ACSBG1: variants seen among roughly 807,000 people sequenced by gnomAD.
ACSBG1 encodes the protein long-chain-fatty-acid--CoA ligase ACSBG1.
Under a neutral mutation model 80.2 loss-of-function variants are expected in ACSBG1, and 39 were observed. The observed-to-expected ratio is 0.49, with a 90% CI of 0.38 to 0.64. The LOEUF (loss-of-function observed/expected upper bound fraction) is 0.64. Among genes scored for constraint, ACSBG1 ranks in the 30% least tolerant of loss-of-function variants. The pLI, the probability that ACSBG1 is intolerant of heterozygous loss-of-function variation, is 0.00. For missense variants in ACSBG1, 828 were observed against 966.4 expected (o/e 0.86, Z 1.90); for synonymous variants, 392 against 379.5 (o/e 1.03, Z -0.38).
chr15:78,229,578 G>A (rs908617021), intron 1 of ACSBG1, among the ~76,000 whole-genome samples: 1 of 152,138 alleles, frequency 6.6e-6, no homozygotes. Flanking sequence ...GGCTCTTAGG[G>A]GGCTCCTCTC....
chr15:78,208,056 C>T lies in ACSBG1; in HGVS notation c.178G>A (p.Ala60Thr), dbSNP rs1391126199. 6 of 1,613,952 alleles carry T rather than the reference C, an allele frequency of 3.7e-6. No homozygotes were observed. Among genetic ancestry groups the T allele is most frequent in the South Asian group, 1.1e-5 (1 of 91,066 alleles). ...QPLSKESLNH[A>T]LELSVPEKVN... Reference sequence around the variant, plus strand: ...TTCTCTGGCACTGAGAGCTCGAGAGCATGGTTCAGGGACTCTTTGGAGAGT... The same window carrying T: ...TTCTCTGGCACTGAGAGCTCGAGAGTATGGTTCAGGGACTCTTTGGAGAGT... The change falls in exon 2 of 14, where the codon GCT (alanine) becomes ACT (threonine). Residue 60 changes from alanine to threonine, a missense_variant. Physicochemically the swap from Ala to Thr is moderately conservative, Grantham distance 58. Coordinates refer to ENST00000258873, the MANE Select transcript of ACSBG1 (RefSeq NM_015162.5).
At chr15:78,173,411 A>G (rs1273759653) in intron 13 of ACSBG1, among the ~76,000 whole-genome samples, 182 bp downstream of exon 13, 1 of 150,928 alleles carries the variant, frequency 6.6e-6, no homozygotes, top group Non-Finnish European at 1.5e-5. Flanking sequence ...CAGACTCCAC[A>G]TAACCACAAG....
At chr15:78,180,661 C>T (rs544929691) in intron 9 of ACSBG1, 94 bp downstream of exon 9, 32 of 1,486,326 alleles carry the variant, frequency 2.2e-5, no homozygotes, top group East Asian at 1.4e-4. Flanking sequence ...CCACTGGAAC[C>T]GGGACAGGCA....
At chr15:78,194,922 G>A (rs1187672109) in intron 2 of ACSBG1, among the ~76,000 whole-genome samples, 196 bp from the exon 3 acceptor site, 1 of 152,254 alleles carries the variant, frequency 6.6e-6, no homozygotes, top group East Asian at 1.9e-4. Context: ...ACTCAGCCTT[G>A]AAGGAAGAGC....
In ACSBG1 at chr15:78,182,602, A is replaced by G. The variant is rs1282867093; in HGVS notation, c.758T>C (p.Met253Thr). The change falls in exon 7 of 14, where the codon ATG becomes ACG. Residue 253 changes from methionine to threonine, a missense_variant. Coordinates refer to ENST00000258873, the MANE Select transcript of ACSBG1 (RefSeq NM_015162.5). ...MANVYTMEEF[M>T]ELGNEVPEEA... ...CTCAGGCACTTCATTCCCCAGCTCC[A>G]TGAATTCCTCCATCTGTAGCCAGAT... 2.5e-6 allele frequency: 4 copies of G among 1,613,940 alleles called. No homozygotes were observed. The highest frequency in any genetic ancestry group is 4.5e-5 in the East Asian group (2 of 44,898).
At position 78,208,118 on chromosome 15, in the gene ACSBG1, G is replaced by T; in HGVS notation, c.132-16C>A. On this transcript the variant is annotated splice_polypyrimidine_tract_variant and intron_variant, in intron 1 of 13. Transcript: ENST00000258873. ...AGTCAGTGAGCTGGGGTGGTGAGGG[G>T]ACCAGGAAAAACATTCATTAGAACG... is the stretch of plus-strand genomic sequence containing the variant. 6.2e-7 allele frequency: 1 copy of T among 1,606,122 alleles called. No homozygotes were observed. Among genetic ancestry groups the T allele is most frequent in the Non-Finnish European group, 8.5e-7 (1 of 1,174,118 alleles).
At chr15:78,186,872 A>T (rs2141338356) in intron 5 of ACSBG1, among the ~76,000 whole-genome samples, 1 of 152,340 alleles carries the variant, frequency 6.6e-6, no homozygotes, top group East Asian at 1.9e-4. Flanking sequence ...TCAAAAAATT[A>T]ATGAATCCAG....
intron 1 of ACSBG1, among the ~76,000 whole-genome samples, chr15:78,221,617 T>C (rs1048212955): frequency 2.0e-5 from 3 of 152,072 alleles, no homozygotes; most frequent in Non-Finnish European, 2.9e-5. Flanking sequence ...CACAGACCCC[T>C]TACAGGTGTC....
intron 2 of ACSBG1, among the ~76,000 whole-genome samples, chr15:78,204,225 C>A (rs946612621): frequency 1.3e-5 from 2 of 151,656 alleles, no homozygotes; most frequent in African/African-American, 2.4e-5. Context: ...GTTCTCTATA[C>A]GCTTCTCCAC....
intron 1 of ACSBG1, among the ~76,000 whole-genome samples, chr15:78,230,517 G>A (rs2075437274): frequency 6.6e-6 from 1 of 152,356 alleles, no homozygotes; most frequent in East Asian, 1.9e-4. Flanking sequence ...CAAGGTCAGG[G>A]CAAACGGGCA....
chr15:78,178,082 AG>A lies in ACSBG1; in HGVS notation c.1702+531del, dbSNP rs35851501. ...TGCCATTTACTAGCTGGGTGACCTT[AG>A]GCAAGTTACTTAACCTCTCTGGATG... On this transcript the variant is annotated intron_variant, in intron 11 of 13. Coordinates refer to ENST00000258873, the MANE Select transcript of ACSBG1 (RefSeq NM_015162.5). The surrounding 1 kb of genome is among the most constrained non-coding windows in gnomAD (Gnocchi z 4.3). Among the ~76,000 whole-genome samples, 11 of 152,184 alleles carry A rather than the reference AG, an allele frequency of 7.2e-5. No homozygotes were observed. Among genetic ancestry groups the A allele is most frequent in the Non-Finnish European group, 1.2e-4 (8 of 68,020 alleles).
In ACSBG1 at chr15:78,168,948, T is replaced by G; in HGVS notation, c.*2496A>C. The G allele has an allele frequency of 6.2e-7, 1 of 1,603,874 alleles. No individual in the cohort carries two copies. Reference sequence around the variant, plus strand: ...GCTTGACAAAAGATTTGGGAGGCAATGCAAAATGCTCAGACTTCACAGAGG... The same window carrying G: ...GCTTGACAAAAGATTTGGGAGGCAAGGCAAAATGCTCAGACTTCACAGAGG... On this transcript the variant is annotated 3_prime_UTR_variant, in exon 14 of 14. Coordinates refer to ENST00000258873, the MANE Select transcript of ACSBG1 (RefSeq NM_015162.5).
chr15:78,231,661 T>C (rs112428914), intron 1 of ACSBG1, among the ~76,000 whole-genome samples: 3,332 of 152,172 alleles, frequency 0.022, 52 homozygotes, highest in South Asian at 0.039. Context: ...GGTTAATAGC[T>C]CATTGCAGCC....
intron 8 of ACSBG1, among the ~76,000 whole-genome samples, 197 bp downstream of exon 8, chr15:78,181,772 C>T (rs1052210142): frequency 6.6e-6 from 1 of 152,170 alleles, no homozygotes; most frequent in Non-Finnish European, 1.5e-5. Context: ...GGATTACAGG[C>T]GTGAGCCACC....
chr15:78,207,055 G>A (rs2075222695), intron 2 of ACSBG1, among the ~76,000 whole-genome samples: 1 of 152,246 alleles, frequency 6.6e-6, no homozygotes, highest in Non-Finnish European at 1.5e-5. Flanking sequence ...GCCAGTTGGT[G>A]GGACCTGCCC....
chr15:78,206,184 C>T (rs948543107), intron 2 of ACSBG1, among the ~76,000 whole-genome samples: 2 of 152,172 alleles, frequency 1.3e-5, no homozygotes, highest in African/African-American at 4.8e-5. Flanking sequence ...AACCATGGTG[C>T]CTCCTTAGCC....
At chr15:78,174,251 A>G in intron 12 of ACSBG1, 134 bp downstream of exon 12, 1 of 1,241,214 alleles carries the variant, frequency 8.1e-7, no homozygotes, top group Non-Finnish European at 1.1e-6. Context: ...CAGTGCAGGC[A>G]GCACGGACTT....
intron 2 of ACSBG1, among the ~76,000 whole-genome samples, chr15:78,197,634 G>GCTTGAACC (rs1449071375): frequency 1.3e-5 from 2 of 149,416 alleles, no homozygotes; most frequent in Non-Finnish European, 3.0e-5. Flanking sequence ...CATGAGAATT[G>GCTTGAACC]CTTGAACCCG....
chr15:78,172,828 A>C lies in ACSBG1; in HGVS notation c.2089+765T>G, dbSNP rs1370341870. On this transcript the variant is annotated intron_variant, in intron 13 of 13. Coordinates refer to ENST00000258873, the MANE Select transcript of ACSBG1 (RefSeq NM_015162.5). This position sits in a 1 kb window ranked among gnomAD's most constrained non-coding sequence, Gnocchi z 4.1. ...GTGACTTCAGCTGAGGCTGCACCAG[A>C]GCCCTCTCCTGGTTCTGTGGGCAGT... 6.6e-6 allele frequency among the ~76,000 whole-genome samples: 1 copy of C among 152,204 alleles called. No individual in the cohort carries two copies. The highest frequency in any genetic ancestry group is 1.5e-5 in the Non-Finnish European group (1 of 68,040).
Sources: gnomAD v4.1 joint callset for allele counts (sites outside exome capture counted in the v4.1 genomes callset) on GRCh38, gnomAD v4.1.1 for gene constraint, Gnocchi (gnomAD v3.1) non-coding constraint, MANE v1.5 for transcripts, NCBI Gene and HGNC (gene_info 2026-07-23, HGNC 2026-07-21) for gene names.